Variants in SGO1 observed in about 807,000 individuals in gnomAD.
The protein encoded by SGO1 is shugoshin 1.
SGO1 carries 39 observed loss-of-function variants against 50.5 expected under a neutral mutation model. The ratio of observed to expected loss-of-function variants is 0.77; its 90% CI spans 0.60 to 1.01. The LOEUF (loss-of-function observed/expected upper bound fraction) is 1.01, where lower values mean the gene tolerates loss of function less well. Among genes scored for constraint, SGO1 ranks in the 50% least tolerant of loss-of-function variants. The pLI is 0.00. For missense variants in SGO1, 638 were observed against 606.0 expected (o/e 1.05, Z -0.55); for synonymous variants, 191 against 205.1 (o/e 0.93, Z 0.59).
chr3:20,176,920 A>G (rs1358878638), intron 4 of SGO1, among the ~76,000 whole-genome samples: 2 of 152,210 alleles, frequency 1.3e-5, no homozygotes, highest in Non-Finnish European at 2.9e-5. Context: ...AACACATTAT[A>G]TAACTCAATT....
At chr3:20,177,944 T>C (rs1052186348) in intron 4 of SGO1, among the ~76,000 whole-genome samples, 1 of 152,066 alleles carries the variant, frequency 6.6e-6, no homozygotes, top group Non-Finnish European at 1.5e-5. Flanking sequence ...AAACATCTCA[T>C]TTCAATAGCT....
intron 3 of SGO1, among the ~76,000 whole-genome samples, chr3:20,181,723 C>T (rs952900788): frequency 6.6e-6 from 1 of 152,126 alleles, no homozygotes; most frequent in South Asian, 2.1e-4. Flanking sequence ...CTGTTTCCCC[C>T]TACTAGTTGA....
chr3:20,178,965 C>CG (rs1482906566), intron 3 of SGO1, among the ~76,000 whole-genome samples: 1 of 151,904 alleles, frequency 6.6e-6, no homozygotes, highest in Non-Finnish European at 1.5e-5. Flanking sequence ...TGAAAGAGGC[C>CG]GGGGGTAGAA....
At chr3:20,173,864 A>C (rs2125296138) in intron 6 of SGO1, among the ~76,000 whole-genome samples, 1 of 152,356 alleles carries the variant, frequency 6.6e-6, no homozygotes, top group East Asian at 1.9e-4. Flanking sequence ...TTTAATATAA[A>C]ACAAGGCCAT....
In SGO1 at chr3:20,171,201, A is replaced by G. The variant is rs1700703105; in HGVS notation, c.1314T>C (p.His438=). 1 of 1,603,916 alleles carries G rather than the reference A, an allele frequency of 6.2e-7. No individual in the cohort carries two copies. The highest frequency in any genetic ancestry group is 8.5e-7 in the Non-Finnish European group (1 of 1,176,992). ...CATTGGTGATATCCTTCAGGCTAAG[A>G]TGAGGTGACTGCTGAGTTTCAGGTG... ...TTPPETQQSP[H]LSLKDITNVS... is the part of the protein sequence containing the mutation. Residue 438 remains histidine, a synonymous_variant, in exon 7 of 8, where the codon CAT becomes CAC. Transcript: ENST00000412997.
intron 3 of SGO1, among the ~76,000 whole-genome samples, chr3:20,182,284 T>A (rs1042570465): frequency 2.0e-5 from 3 of 152,152 alleles, no homozygotes; most frequent in Non-Finnish European, 4.4e-5. Flanking sequence ...TGACTTCTCC[T>A]GTCAATGGAG....
In SGO1 at chr3:20,184,041, A is replaced by T; in HGVS notation, c.-7-7T>A. 1.3e-6 allele frequency: 2 copies of T among 1,551,296 alleles called. No individual in the cohort carries two copies. Among genetic ancestry groups the T allele is most frequent in the Non-Finnish European group, 1.7e-6 (2 of 1,158,900 alleles). ...TTCCTTGGCCATCTTTTGCCTAAAC[A>T]ATAAAAAATATTTTTTCTCAGAGAG... On this transcript the variant is annotated splice_polypyrimidine_tract_variant and splice_region_variant and intron_variant, in intron 1 of 7. Transcript: ENST00000412997.
chr3:20,183,710 T>C lies in SGO1; in HGVS notation c.237A>G (p.Gln79=), dbSNP rs746039453. The change falls in exon 3 of 8, where the codon CAA becomes CAG. Residue 79 remains glutamine (Q), a synonymous_variant. Coordinates refer to ENST00000412997, the MANE Select transcript of SGO1 (RefSeq NM_001199251.3). ...ENEKSKVKEA[Q]DIILQLRKEC... ...CTTTTCTCAGCTGTAGGATGATATC[T>C]TGGGCTTCTTTCACTTTGGATTTTT... 1.2e-6 allele frequency: 2 copies of C among 1,613,422 alleles called. No individual in the cohort carries two copies. The highest frequency in any genetic ancestry group is 2.2e-5 in the East Asian group (1 of 44,818).
chr3:20,167,378 G>A (rs1700358567), downstream of SGO1, among the ~76,000 whole-genome samples: 5 of 152,016 alleles, frequency 3.3e-5, no homozygotes, highest in Admixed American at 3.3e-4. Context: ...AAATATCAAA[G>A]GGAATTATAA....
Position 20,174,553 on chromosome 3 carries a change from G to C in SGO1, c.978C>G (p.His326Gln). 1.2e-6 allele frequency: 2 copies of C among 1,608,070 alleles called. No individual in the cohort carries two copies. The highest frequency in any genetic ancestry group is 1.7e-6 in the Non-Finnish European group (2 of 1,178,556). The change falls in exon 6 of 8, where the codon CAC (histidine) becomes CAG (glutamine). Residue 326 changes from histidine to glutamine, a missense_variant. By Grantham distance (24) the His-to-Gln change is conservative. Transcript: ENST00000412997. ...AAGCATCATTGGAACTGACAGATTT[G>C]TGCATTTTTTTTTGGGGAACAGTTT... The part of the protein sequence containing the change: ...NKKTVPQKKM[H>Q]KSVSSNDAYN...
intron 6 of SGO1, among the ~76,000 whole-genome samples, chr3:20,172,329 C>G (rs933869566): frequency 2.0e-5 from 3 of 152,070 alleles, no homozygotes; most frequent in African/African-American, 4.8e-5. Flanking sequence ...TGGAGAAAGC[C>G]TGTCTCTACT....
At chr3:20,185,427 TAGAC>T (rs1172915931) in intron 1 of SGO1, among the ~76,000 whole-genome samples, 3 of 152,188 alleles carry the variant, frequency 2.0e-5, no homozygotes, top group African/African-American at 7.2e-5. Flanking sequence ...GGGGGTGTGG[TAGAC>T]AGAAGGGATG....
intron 8 of SGO1, among the ~76,000 whole-genome samples, chr3:20,162,484 C>T (rs1700087981): frequency 6.6e-6 from 1 of 152,038 alleles, no homozygotes; most frequent in Admixed American, 6.6e-5. Context: ...ACTTAATTGC[C>T]TGACAAAACG....
At chr3:20,184,124 TA>T in intron 1 of SGO1, 90 bp from the exon 2 acceptor site, 1 of 971,948 alleles carries the variant, frequency 1.0e-6, no homozygotes, top group Middle Eastern at 2.4e-4. Context: ...ATGCATTAAA[TA>T]GACTAAACTG....
chr3:20,169,670 A>T lies in SGO1; in HGVS notation c.*1034T>A. 1 of 949,424 alleles carries T rather than the reference A, an allele frequency of 1.1e-6. No individual in the cohort carries two copies. Among genetic ancestry groups the T allele is most frequent in the Non-Finnish European group, 1.3e-6 (1 of 797,296 alleles). The allele number at this position is 949,424 out of a possible 1,614,324, so 58.8% of individuals were successfully genotyped here. ...TAATCTCTGAGATTTCTGACTAAAT[A>T]AGGAGCTACCCTGAAAGTACATGAC... On this transcript the variant is annotated 3_prime_UTR_variant, in exon 8 of 8. Coordinates refer to ENST00000412997, the MANE Select transcript of SGO1 (RefSeq NM_001199251.3).
At chr3:20,177,332 A>ACATAAGTTTGT (rs61201263) in intron 4 of SGO1, 48,989 of 151,842 alleles carry the variant, frequency 0.32, 8,276 homozygotes, top group African/African-American at 0.44. Context: ...TTTGCCCACA[A>ACATAAGTTTGT]CAGATCTTAA....
rs200551026 is a variant in SGO1 at position 20,184,833 on chromosome 3, A to T, written c.-7-799T>A. ...CTATACTTAATCTTTCAACGTTGCA[A>T]ATCAGGTAGGCTTTAGCATGCTACT... On this transcript the variant is annotated intron_variant, in intron 1 of 7. Coordinates refer to ENST00000412997, the MANE Select transcript of SGO1 (RefSeq NM_001199251.3). Among the ~76,000 whole-genome samples, 207 of 126,828 alleles carry T rather than the reference A, an allele frequency of 1.6e-3. 4 individuals are homozygous for T. In the East Asian group the frequency reaches 0.072, roughly 44 times the overall value. 83.2% of individuals were successfully genotyped at this position (126,828 alleles called of 152,430 possible).
chr3:20,180,887 G>A (rs1701940220), intron 3 of SGO1, among the ~76,000 whole-genome samples: 1 of 152,260 alleles, frequency 6.6e-6, no homozygotes, highest in South Asian at 2.1e-4. Flanking sequence ...AGCACATTGG[G>A]AGGCCAAGGC....
intron 7 of SGO1, 87 bp from the exon 8 acceptor site, chr3:20,170,902 C>A: frequency 1.3e-6 from 2 of 1,500,130 alleles, no homozygotes; most frequent in East Asian, 2.4e-5. Context: ...TAAAACACAC[C>A]AATTTTAAAT....
Sources: allele counts gnomAD v4.1 joint callset (sites outside exome capture counted in the v4.1 genomes callset), GRCh38; gene constraint gnomAD v4.1.1; transcripts MANE v1.5; gene names NCBI Gene and HGNC (gene_info 2026-07-23, HGNC 2026-07-21).